EIF4ENIF1: variants seen among roughly 807,000 people sequenced by gnomAD.
EIF4ENIF1 encodes eukaryotic translation initiation factor 4E transporter.
EIF4ENIF1 carries 23 observed loss-of-function variants against 110.5 expected under a neutral mutation model. That is an observed-to-expected ratio of 0.21 (90% CI 0.15 to 0.29). The LOEUF (loss-of-function observed/expected upper bound fraction) is 0.29, where lower values mean the gene tolerates loss of function less well. Ranked by LOEUF, EIF4ENIF1 falls within the 10% of genes least tolerant of loss-of-function variation. The pLI is 1.00. For synonymous variants in EIF4ENIF1, 440 were observed against 437.0 expected (o/e 1.01, Z -0.09); for missense variants, 1,031 against 1,221.1 (o/e 0.84, Z 2.32).
chr22:31,486,232 T>G (rs2052018756), intron 2 of EIF4ENIF1, among the ~76,000 whole-genome samples: 1 of 151,080 alleles, frequency 6.6e-6, no homozygotes, highest in Non-Finnish European at 1.5e-5. Context: ...ATAGCATCAT[T>G]GCACTCCAGC....
chr22:31,460,378 A>C (rs374041879), intron 6 of EIF4ENIF1, among the ~76,000 whole-genome samples: 1 of 152,232 alleles, frequency 6.6e-6, no homozygotes, highest in Non-Finnish European at 1.5e-5. Flanking sequence ...TCACGCCTAT[A>C]ATCTCAGCAC....
Position 31,439,943 on chromosome 22 carries a change from C to T in EIF4ENIF1, c.2895G>A (p.Gln965=), listed in dbSNP as rs1163357880. 2 of 1,614,154 alleles carry T rather than the reference C, an allele frequency of 1.2e-6. No homozygotes were observed. The highest frequency in any genetic ancestry group is 1.7e-5 in the Admixed American group (1 of 60,026). The part of the protein sequence containing the change: ...LAKWFGSDVL[Q]QPLPSMPAKV... ...TGGCGGGCATGGAGGGCAGGGGTTGCTGTAGCACATCTGAGCCAAACCATT... is the reference window on the plus strand; with the variant it reads ...TGGCGGGCATGGAGGGCAGGGGTTGTTGTAGCACATCTGAGCCAAACCATT... The change falls in exon 19 of 19, where the codon CAG becomes CAA. Residue 965 remains glutamine, a synonymous_variant. Coordinates refer to ENST00000330125, the MANE Select transcript of EIF4ENIF1 (RefSeq NM_019843.4).
At chr22:31,453,395 G>A (rs753174935) in intron 10 of EIF4ENIF1, 8 of 357,770 alleles carry the variant, frequency 2.2e-5, no homozygotes, top group South Asian at 1.7e-4. Flanking sequence ...TTTTTTTTTG[G>A]AGACAGTCTC....
chr22:31,459,334 T>C (rs16989647), intron 6 of EIF4ENIF1, among the ~76,000 whole-genome samples: 2,103 of 152,244 alleles, frequency 0.014, 54 homozygotes, highest in African/African-American at 0.048. Flanking sequence ...CTTCTGCCCA[T>C]GCACCTGTAG....
intron 4 of EIF4ENIF1, among the ~76,000 whole-genome samples, chr22:31,465,214 T>G (rs2051143426): frequency 6.6e-6 from 1 of 151,740 alleles, no homozygotes; most frequent in Non-Finnish European, 1.5e-5. Flanking sequence ...TCCCAGCTAC[T>G]TGGGAGGCTG....
intron 2 of EIF4ENIF1, among the ~76,000 whole-genome samples, chr22:31,485,940 T>C (rs1315982064): frequency 6.6e-6 from 1 of 151,220 alleles, no homozygotes; most frequent in Non-Finnish European, 1.5e-5. Flanking sequence ...TGAAACCGTC[T>C]CTACTAAAAA....
In EIF4ENIF1 at chr22:31,461,459, GACAGAGTCTCAAC is replaced by G. The variant is rs2050991616; in HGVS notation, c.787+1460_787+1472del. On this transcript the variant is annotated intron_variant, in intron 6 of 18. Transcript: ENST00000330125. ...ACTAGGTTTTTTTGGTTTTTTTGGA[GACAGAGTCTCAAC>G]TCTGTCTCCCAGGCTGGAGTGCAGT... Among the ~76,000 whole-genome samples the G allele has an allele frequency of 3.3e-5, 5 of 152,176 alleles. No homozygotes were observed. The South Asian group carries it at 1.0e-3, about 32-fold the overall frequency.
chr22:31,458,626 A>C lies in EIF4ENIF1; in HGVS notation c.812T>G (p.Val271Gly), dbSNP rs774467948. 6.2e-7 allele frequency: 1 copy of C among 1,606,902 alleles called. No homozygotes were observed. The highest frequency in any genetic ancestry group is 2.2e-5 in the East Asian group (1 of 44,686). The change falls in exon 7 of 19, where the codon GTG becomes GGG. Residue 271 changes from valine (V) to glycine (G), a missense_variant. By Grantham distance (109) the Val-to-Gly change is moderately radical. Coordinates refer to ENST00000330125, the MANE Select transcript of EIF4ENIF1 (RefSeq NM_019843.4). ...GACCTCCACTTCATCCTCTTCGGCC[A>C]CTCCTCCATTGCACTCTACTATACC... ...KEGIVECNGG[V>G]AEEDEVEVIL... is the part of the protein sequence containing the mutation.
chr22:31,479,870 T>C (rs111587979), intron 2 of EIF4ENIF1, among the ~76,000 whole-genome samples: 9 of 151,836 alleles, frequency 5.9e-5, no homozygotes, highest in African/African-American at 1.9e-4. Flanking sequence ...TGCCACCACA[T>C]CCAGCTAATT....
chr22:31,447,645 A>G (rs776108115), intron 13 of EIF4ENIF1, 80 bp from the exon 14 acceptor site: 36 of 1,467,974 alleles, frequency 2.5e-5, no homozygotes, highest in Non-Finnish European at 3.3e-5. Context: ...CACTCTTAGA[A>G]AGGTATGTTA....
At chr22:31,473,757 T>C (rs554226917) in intron 2 of EIF4ENIF1, among the ~76,000 whole-genome samples, 8 of 152,350 alleles carry the variant, frequency 5.3e-5, no homozygotes, top group African/African-American at 1.9e-4. Flanking sequence ...ATTTGGATCA[T>C]TTGGTCAAGG....
chr22:31,457,077 C>T (rs185511938), intron 7 of EIF4ENIF1, among the ~76,000 whole-genome samples: 157 of 152,158 alleles, frequency 1.0e-3, no homozygotes, highest in Middle Eastern at 3.4e-3. Flanking sequence ...TTTCAGAAGC[C>T]AAAGGCTAAA....
chr22:31,474,867 C>T (rs1196860743), intron 2 of EIF4ENIF1, among the ~76,000 whole-genome samples: 1 of 152,090 alleles, frequency 6.6e-6, no homozygotes, highest in Non-Finnish European at 1.5e-5. Context: ...AAGCACATAC[C>T]ACTATGCCAT....
chr22:31,479,077 G>A (rs1481318116), intron 2 of EIF4ENIF1, among the ~76,000 whole-genome samples: 3 of 150,168 alleles, frequency 2.0e-5, no homozygotes, highest in Non-Finnish European at 3.0e-5. Context: ...CCAGTCTCTC[G>A]AAAGAAATTT....
intron 3 of EIF4ENIF1, among the ~76,000 whole-genome samples, chr22:31,470,377 T>C (rs1373241634): frequency 6.7e-6 from 1 of 150,256 alleles, no homozygotes; most frequent in Non-Finnish European, 1.5e-5. Context: ...ACCTCCCGGG[T>C]TCAAGCGATT....
In EIF4ENIF1 at chr22:31,442,080, G is replaced by A. The variant is rs1306328396; in HGVS notation, c.2245C>T (p.Arg749Ter). Residue 749 changes from arginine to a stop codon, truncating the protein, a stop_gained, in exon 17 of 19, where the codon CGA (arginine) becomes TGA (stop). Coordinates refer to ENST00000330125, the MANE Select transcript of EIF4ENIF1 (RefSeq NM_019843.4). LOFTEE classifies it high-confidence loss of function. ...LSSSSVPSAD[R>*]DSSPTTNSKL... The stretch of plus-strand genomic sequence containing the variant: ...GAATTTGTAGTGGGAGAAGAGTCTC[G>A]ATCGGCACTGGGTACAGAGCTGGAT... The A allele has an allele frequency of 6.2e-7, 1 of 1,613,970 alleles. No homozygotes were observed. Among genetic ancestry groups the A allele is most frequent in the Non-Finnish European group, 8.5e-7 (1 of 1,180,008 alleles).
intron 6 of EIF4ENIF1, 104 bp downstream of exon 6, chr22:31,462,828 C>G (rs763195361): frequency 2.1e-5 from 25 of 1,206,896 alleles, no homozygotes; most frequent in Non-Finnish European, 4.6e-6. Flanking sequence ...GGTGATCCGC[C>G]CACCTCGGCC....
chr22:31,484,388 C>A (rs1327669954), intron 2 of EIF4ENIF1, among the ~76,000 whole-genome samples: 1 of 152,116 alleles, frequency 6.6e-6, no homozygotes, highest in Non-Finnish European at 1.5e-5. Context: ...GAATTCTGAA[C>A]AACAAACTAC....
chr22:31,483,137 A>G (rs2051886357), intron 2 of EIF4ENIF1, among the ~76,000 whole-genome samples: 1 of 150,042 alleles, frequency 6.7e-6, no homozygotes, highest in African/African-American at 2.5e-5. Context: ...AGCAGGTACT[A>G]TATTCCAGAA....
Sources: allele counts gnomAD v4.1 joint callset (sites outside exome capture counted in the v4.1 genomes callset), GRCh38; gene constraint gnomAD v4.1.1; transcripts MANE v1.5; gene names NCBI Gene and HGNC (gene_info 2026-07-23, HGNC 2026-07-21).